Variants in HERC4 observed in about 807,000 individuals in gnomAD.
HERC4 encodes the protein probable E3 ubiquitin-protein ligase HERC4.
Under a neutral mutation model 124.3 loss-of-function variants are expected in HERC4, and 28 were observed. The ratio of observed to expected loss-of-function variants is 0.23; its 90% confidence interval spans 0.17 to 0.31. The LOEUF (loss-of-function observed/expected upper bound fraction) is 0.31, where lower values mean the gene tolerates loss of function less well. HERC4 is among the 10% of genes least tolerant of loss of function. The probability of loss-of-function intolerance (pLI) is 1.00; values close to 1 mark genes in which losing one functional copy is unlikely to be tolerated. For missense variants in HERC4, 713 were observed against 1,229.3 expected (o/e 0.58, Z 6.28); for synonymous variants, 407 against 421.5 (o/e 0.97, Z 0.42).
At chr10:67,948,988 T>C (rs1407709422) in intron 19 of HERC4, among the ~76,000 whole-genome samples, 1 of 151,940 alleles carries the variant, frequency 6.6e-6, no homozygotes, top group African/African-American at 2.4e-5. Flanking sequence ...GCGCGGTGGC[T>C]CACGCCTGTA....
chr10:68,056,835 C>T (rs1411058569), intron 3 of HERC4, among the ~76,000 whole-genome samples: 1 of 151,986 alleles, frequency 6.6e-6, no homozygotes, highest in African/African-American at 2.4e-5. Flanking sequence ...TAGCTATTTG[C>T]AAAGGAAATT....
chr10:68,049,227 T>C (rs1383612098), intron 3 of HERC4, among the ~76,000 whole-genome samples: 1 of 151,776 alleles, frequency 6.6e-6, no homozygotes, highest in African/African-American at 2.4e-5. Flanking sequence ...CACATTGTTA[T>C]GAAAAGATCC....
intron 9 of HERC4, chr10:67,994,239 CA>C (rs2132819128): frequency 6.6e-6 from 1 of 152,236 alleles, no homozygotes; most frequent in South Asian, 2.1e-4. Flanking sequence ...ATAATTCTCA[CA>C]AATCTATATG....
rs535194934 is a variant in HERC4, at chr10:68,028,761, GATCT to G, written c.778-3089_778-3086del. On this transcript the variant is annotated intron_variant, in intron 7 of 24. Coordinates refer to ENST00000373700, the MANE Select transcript of HERC4 (RefSeq NM_015601.4). ...CAAGGTTTTAATTCCTATAGTTTTA[GATCT>G]ATCTCTTTTCTCTTAAGCTGAAAAT... is the stretch of plus-strand genomic sequence containing the variant. Among the ~76,000 whole-genome samples the G allele has an allele frequency of 1.6e-3, 238 of 152,312 alleles. 2 individuals carry two copies. Among genetic ancestry groups the G allele is most frequent in the Middle Eastern group, 0.01 (3 of 294 alleles).
chr10:67,932,440 C>T (rs1034550093), intron 23 of HERC4, among the ~76,000 whole-genome samples, 157 bp downstream of exon 23: 1 of 152,080 alleles, frequency 6.6e-6, no homozygotes, highest in Admixed American at 6.5e-5. Flanking sequence ...ATTCATATAC[C>T]GTTCAAATCC....
intron 15 of HERC4, among the ~76,000 whole-genome samples, chr10:67,974,263 AG>A (rs1433559064): frequency 1.3e-5 from 2 of 152,120 alleles, no homozygotes; most frequent in Non-Finnish European, 2.9e-5. Flanking sequence ...CTGTGGCAGT[AG>A]GTAAGGGAGA....
At chr10:68,020,574 G>A (rs367999542) in intron 8 of HERC4, among the ~76,000 whole-genome samples, 5 of 151,764 alleles carry the variant, frequency 3.3e-5, no homozygotes, top group South Asian at 2.1e-4. Flanking sequence ...AGACCACCCC[G>A]GCTAAAAAAA....
chr10:67,984,367 C>T (rs994414668), intron 15 of HERC4, among the ~76,000 whole-genome samples: 1 of 150,900 alleles, frequency 6.6e-6, no homozygotes, highest in African/African-American at 2.4e-5. Context: ...AACTGGAGGA[C>T]ATTATTTAAG....
intron 22 of HERC4, among the ~76,000 whole-genome samples, chr10:67,935,066 A>G (rs1258675239): frequency 6.6e-6 from 1 of 150,500 alleles, no homozygotes; most frequent in Non-Finnish European, 1.5e-5. Flanking sequence ...TTCAACCTGC[A>G]TGGTTCCTGG....
At chr10:67,955,208 TATTA>T in intron 17 of HERC4, 78 bp from the exon 18 acceptor site, 1 of 1,234,760 alleles carries the variant, frequency 8.1e-7, no homozygotes, top group Non-Finnish European at 1.1e-6. Flanking sequence ...AACCTCTACC[TATTA>T]GTTACAGGTA....
chr10:67,985,739 C>G (rs1050581950), intron 15 of HERC4, among the ~76,000 whole-genome samples: 1 of 152,214 alleles, frequency 6.6e-6, no homozygotes, highest in Non-Finnish European at 1.5e-5. Context: ...ACATCCATTC[C>G]TGACAGCAGG....
intron 16 of HERC4, chr10:67,965,863 A>G (rs1421336571): frequency 6.6e-6 from 1 of 152,204 alleles, no homozygotes; most frequent in Non-Finnish European, 1.5e-5. Flanking sequence ...AGTAAACCTA[A>G]ATATTTTGTA....
chr10:67,932,503 A>G, intron 23 of HERC4, 94 bp downstream of exon 23: 3 of 1,046,188 alleles, frequency 2.9e-6, no homozygotes, highest in Middle Eastern at 2.9e-4. Context: ...TGGTAGTAAT[A>G]AAGTGTATAA....
At chr10:67,930,447 C>T (rs191342486) in intron 23 of HERC4, among the ~76,000 whole-genome samples, 19 of 152,214 alleles carry the variant, frequency 1.2e-4, no homozygotes, top group African/African-American at 4.6e-4. Flanking sequence ...AGTAGGACTG[C>T]TAGGTCATAT....
At chr10:67,967,250 C>T (rs2034942438) in intron 15 of HERC4, among the ~76,000 whole-genome samples, 1 of 152,122 alleles carries the variant, frequency 6.6e-6, no homozygotes, top group Non-Finnish European at 1.5e-5. Context: ...TGAGTGCCTA[C>T]TATATGCAAA....
chr10:68,052,526 C>A (rs2040364819), intron 3 of HERC4, among the ~76,000 whole-genome samples: 1 of 151,942 alleles, frequency 6.6e-6, no homozygotes, highest in Non-Finnish European at 1.5e-5. Context: ...TTTTTCTGCA[C>A]AAATATCATT....
intron 15 of HERC4, among the ~76,000 whole-genome samples, chr10:67,985,873 G>C (rs1345380220): frequency 1.3e-5 from 2 of 152,140 alleles, no homozygotes; most frequent in African/African-American, 4.8e-5. Context: ...AATGAATAGG[G>C]AACACAAAGT....
At chr10:68,021,664 C>T (rs950355032) in intron 8 of HERC4, among the ~76,000 whole-genome samples, 18 of 151,980 alleles carry the variant, frequency 1.2e-4, no homozygotes, top group Non-Finnish European at 2.1e-4. Flanking sequence ...CAAAATTAGT[C>T]GGGTGTGGTG....
chr10:68,020,960 G>A (rs76778876), intron 8 of HERC4, among the ~76,000 whole-genome samples: 7,948 of 152,014 alleles, frequency 0.052, 729 homozygotes, highest in African/African-American at 0.18. Flanking sequence ...GGAACCATAG[G>A]ATACCATTAA....
Sources: allele counts gnomAD v4.1 joint callset (sites outside exome capture counted in the v4.1 genomes callset), GRCh38; gene constraint gnomAD v4.1.1; transcripts MANE v1.5; gene names NCBI Gene and HGNC (gene_info 2026-07-23, HGNC 2026-07-21).